Variants in CHCHD3 observed in about 807,000 individuals in gnomAD.
CHCHD3 encodes the protein coiled-coil-helix-coiled-coil-helix domain containing 3.
Under a neutral mutation model 38.2 loss-of-function variants are expected in CHCHD3, and 20 were observed. That is an observed-to-expected ratio of 0.52 (90% CI 0.37 to 0.76). CHCHD3 has a LOEUF of 0.76. Ranked by LOEUF, CHCHD3 falls within the 30% of genes least tolerant of loss-of-function variation. The pLI is 0.00. For missense variants in CHCHD3, 245 were observed against 279.2 expected, an observed-to-expected ratio of 0.88 and a Z score of 0.87; for synonymous variants, 82 against 100.0, an observed-to-expected ratio of 0.82 and a Z score of 1.07.
At chr7:133,007,295 C>T (rs776615031) in intron 3 of CHCHD3, among the ~76,000 whole-genome samples, 21 of 152,066 alleles carry the variant, frequency 1.4e-4, no homozygotes, top group Non-Finnish European at 1.3e-4. Context: ...TAGGAGAGAC[C>T]CACTTGATTG....
Position 132,883,055 on chromosome 7 carries a change from A to G in CHCHD3, c.453+2607T>C, listed in dbSNP as rs150587997. On this transcript the variant is annotated intron_variant, in intron 5 of 7. Transcript: ENST00000262570. ...TGCACGCTCTCTCTCTCCTGCCACCATGTGAAAAAGGTGCCTGCTTCCCTT... is the reference window on the plus strand; with the variant it reads ...TGCACGCTCTCTCTCTCCTGCCACCGTGTGAAAAAGGTGCCTGCTTCCCTT... 4.6e-3 allele frequency among the ~76,000 whole-genome samples: 693 copies of G among 152,216 alleles called. 6 individuals are homozygous for G. Among genetic ancestry groups the G allele is most frequent in the African/African-American group, 0.016 (647 of 41,540 alleles).
In CHCHD3 at chr7:132,947,267, C is replaced by A. The variant is rs192922204; in HGVS notation, c.369+27902G>T. ...GAAATAAGCCATGTAGTAGAAATAA[C>A]CAGAAACAGGAGGCACTTTATCTCA... is the stretch of plus-strand genomic sequence containing the variant. On this transcript the variant is annotated intron_variant, in intron 4 of 7. Coordinates refer to ENST00000262570, the MANE Select transcript of CHCHD3 (RefSeq NM_017812.4). Among the ~76,000 whole-genome samples, 438 of 151,934 alleles carry A rather than the reference C, an allele frequency of 2.9e-3. 1 individual carries two copies. The highest frequency in any genetic ancestry group is 9.9e-3 in the African/African-American group (412 of 41,516).
intron 5 of CHCHD3, among the ~76,000 whole-genome samples, chr7:132,873,988 G>C (rs1808832871): frequency 6.6e-6 from 1 of 152,152 alleles, no homozygotes; most frequent in African/African-American, 2.4e-5. Flanking sequence ...TGCAGAATAA[G>C]GTCTAACTTG....
At chr7:133,002,960 C>T (rs1015604041) in intron 3 of CHCHD3, among the ~76,000 whole-genome samples, 1 of 152,010 alleles carries the variant, frequency 6.6e-6, no homozygotes, top group Non-Finnish European at 1.5e-5. Flanking sequence ...AAATGAAATG[C>T]CCAAGTTATT....
chr7:132,957,970 A>C (rs1372330675), intron 4 of CHCHD3, among the ~76,000 whole-genome samples: 1 of 152,244 alleles, frequency 6.6e-6, no homozygotes, highest in Non-Finnish European at 1.5e-5. Flanking sequence ...CTTACGAATC[A>C]ACCAATGGGC....
At chr7:133,036,134 CA>C (rs1405991101) in intron 2 of CHCHD3, 1 of 598,378 alleles carries the variant, frequency 1.7e-6, no homozygotes, top group Non-Finnish European at 3.0e-6. Flanking sequence ...CCCCAACTCT[CA>C]CCCCATGACC....
intron 2 of CHCHD3, among the ~76,000 whole-genome samples, chr7:133,060,784 C>G (rs1031351999): frequency 2.0e-5 from 3 of 152,252 alleles, no homozygotes; most frequent in Non-Finnish European, 1.5e-5. Context: ...GTGGCGGGAG[C>G]CTGTAATCCC....
intron 6 of CHCHD3, among the ~76,000 whole-genome samples, chr7:132,805,533 C>G (rs994284361): frequency 6.6e-6 from 1 of 151,848 alleles, no homozygotes; most frequent in East Asian, 1.9e-4. Flanking sequence ...AGGGAGGGGC[C>G]GGGATATGGA....
At chr7:133,053,902 C>G (rs998927002) in intron 2 of CHCHD3, among the ~76,000 whole-genome samples, 8 of 152,102 alleles carry the variant, frequency 5.3e-5, no homozygotes, top group African/African-American at 1.9e-4. Context: ...AAAAGATGCT[C>G]CCTGCTCTTT....
At chr7:132,974,989 G>A (rs1222236651) in intron 4 of CHCHD3, among the ~76,000 whole-genome samples, 180 bp downstream of exon 4, 1 of 152,164 alleles carries the variant, frequency 6.6e-6, no homozygotes, top group African/African-American at 2.4e-5. Flanking sequence ...TGCCTTTAAA[G>A]TCCTTGATGG....
intron 3 of CHCHD3, among the ~76,000 whole-genome samples, chr7:132,988,426 C>A (rs1381418060): frequency 1.3e-5 from 2 of 151,946 alleles, no homozygotes; most frequent in African/African-American, 4.8e-5. Flanking sequence ...GGTAAGCATT[C>A]AAAATATATT....
chr7:133,024,333 T>G (rs1309775519), intron 3 of CHCHD3, among the ~76,000 whole-genome samples: 3 of 152,174 alleles, frequency 2.0e-5, no homozygotes, highest in African/African-American at 7.2e-5. Flanking sequence ...ACAAGAGATA[T>G]AATGGTAATT....
intron 6 of CHCHD3, among the ~76,000 whole-genome samples, chr7:132,807,327 A>T (rs1279895263): frequency 2.0e-5 from 3 of 152,060 alleles, no homozygotes; most frequent in African/African-American, 7.2e-5. Context: ...ACAGCATCTA[A>T]TTTTACATAT....
intron 5 of CHCHD3, among the ~76,000 whole-genome samples, chr7:132,876,991 C>T (rs1481113195): frequency 5.3e-5 from 8 of 152,120 alleles, no homozygotes; most frequent in African/African-American, 1.9e-4. Context: ...CAGCTTTGTA[C>T]TCCATGTTCT....
chr7:133,069,144 A>G (rs1016029473), intron 2 of CHCHD3, among the ~76,000 whole-genome samples: 4 of 152,192 alleles, frequency 2.6e-5, no homozygotes, highest in Admixed American at 2.6e-4. Context: ...CAAGGAAGGC[A>G]TGCTCACTTT....
chr7:132,866,324 T>C (rs1234429380), intron 5 of CHCHD3, among the ~76,000 whole-genome samples: 2 of 152,182 alleles, frequency 1.3e-5, no homozygotes, highest in African/African-American at 4.8e-5. Context: ...TCCCGCGACC[T>C]TGGATAAAGT....
intron 2 of CHCHD3, among the ~76,000 whole-genome samples, chr7:133,063,297 A>C (rs1814572549): frequency 6.6e-6 from 1 of 150,384 alleles, no homozygotes; most frequent in Non-Finnish European, 1.5e-5. Flanking sequence ...TCCATGGAGC[A>C]GTAGTTACCA....
At chr7:132,921,628 C>CACAACAACA (rs5887601) in intron 4 of CHCHD3, among the ~76,000 whole-genome samples, 6 of 150,886 alleles carry the variant, frequency 4.0e-5, no homozygotes, top group African/African-American at 1.5e-4. Context: ...ATATGACACA[C>CACAACAACA]ACAACAACAA....
chr7:132,854,986 T>C lies in CHCHD3; in HGVS notation c.454-16517A>G, dbSNP rs190116941. Among the ~76,000 whole-genome samples the C allele has an allele frequency of 8.9e-4, 135 of 152,318 alleles. 2 individuals are homozygous for C. The highest frequency in any genetic ancestry group is 1.4e-3 in the Admixed American group (21 of 15,302). On this transcript the variant is annotated intron_variant, in intron 5 of 7. Transcript: ENST00000262570. ...GAATCAAGTATTTCCTATGTTCATA[T>C]CGTTTGATTTTATGATAAAAACCAG...
Sources: allele counts gnomAD v4.1 joint callset (sites outside exome capture counted in the v4.1 genomes callset), GRCh38; gene constraint gnomAD v4.1.1; transcripts MANE v1.5; gene names NCBI Gene and HGNC (gene_info 2026-07-23, HGNC 2026-07-21).